Variants in GBX2 observed in about 807,000 individuals in gnomAD.
GBX2 encodes gastrulation brain homeobox 2.
Under a neutral mutation model 22.4 loss-of-function variants are expected in GBX2, and 5 were observed. The ratio of observed to expected loss-of-function variants is 0.22; its 90% confidence interval spans 0.12 to 0.47. The LOEUF is 0.47. Ranked by LOEUF, GBX2 falls within the 20% of genes least tolerant of loss-of-function variation. The pLI, the probability that GBX2 is intolerant of heterozygous loss-of-function variation, is 0.99. For synonymous variants in GBX2, 220 were observed against 230.5 expected (o/e 0.95, Z 0.41); for missense variants, 470 against 495.4 (o/e 0.95, Z 0.49).
In GBX2 at chr2:236,167,905, T is replaced by A. The variant is rs1376879250; in HGVS notation, c.67A>T (p.Ser23Cys). ...QRPLGSSTAFSIDSLIGSPPQ... is the reference protein window; with the variant it reads ...QRPLGSSTAFCIDSLIGSPPQ... ...GGGCTGCCGATCAGCGAGTCTATGCTGAAGGCGGTGCTACTCCCCAGCGGG... is the reference window on the plus strand; with the variant it reads ...GGGCTGCCGATCAGCGAGTCTATGCAGAAGGCGGTGCTACTCCCCAGCGGG... The change falls in exon 1 of 2, where the codon AGC (serine) becomes TGC (cysteine). Residue 23 changes from serine (S) to cysteine (C), a missense_variant. Ser to Cys is a moderately radical substitution (Grantham distance 112). This residue lies in a region of GBX2 where 377 missense variants were observed against 358.6 expected (regional missense o/e 1.05). Transcript: ENST00000306318. The A allele has an allele frequency of 6.4e-7, 1 of 1,562,072 alleles. No homozygotes were observed. The highest frequency in any genetic ancestry group is 8.6e-7 in the Non-Finnish European group (1 of 1,157,114).
rs2060251051 is a variant in GBX2, at chr2:236,167,801, C to A, written c.171G>T (p.Pro57=). The A allele has an allele frequency of 7.1e-7, 1 of 1,407,306 alleles. No individual in the cohort carries two copies. Among genetic ancestry groups the A allele is most frequent in the Non-Finnish European group, 9.3e-7 (1 of 1,078,240 alleles). The allele number at this position is 1,407,306 out of a possible 1,614,324, so 87.2% of individuals were successfully genotyped here. The change falls in exon 1 of 2, where the codon CCG becomes CCT. Residue 57 remains proline (P), a synonymous_variant. Coordinates refer to ENST00000306318, the MANE Select transcript of GBX2 (RefSeq NM_001485.4). ...GCAGCGCGGGCGGCGGCGGCGGCGG[C>A]GGCGGCAGCACTACCGGCCGGTAGG... ...FMPYRPVVLP[P]PPPPPPALPQ...
intron 1 of GBX2, 115 bp downstream of exon 1, chr2:236,167,334 C>G: frequency 7.2e-7 from 1 of 1,379,812 alleles, no homozygotes; most frequent in South Asian, 1.4e-5. Context: ...GCTCCTCCCG[C>G]GGGGGTCGAG....
downstream of GBX2, among the ~76,000 whole-genome samples, chr2:236,164,682 C>T (rs1319757266): frequency 1.3e-5 from 2 of 152,170 alleles, no homozygotes; most frequent in African/African-American, 4.8e-5. Flanking sequence ...GGGCCGGGGG[C>T]GCTCCAGCCA....
chr2:236,163,787 C>T, downstream of GBX2, among the ~76,000 whole-genome samples: 1 of 152,072 alleles, frequency 6.6e-6, no homozygotes, highest in Non-Finnish European at 1.5e-5. Flanking sequence ...GCAGCAGGCG[C>T]TCACCGGCAA....
rs928275495 is a variant in GBX2, at chr2:236,167,288, C to T, written c.523+161G>A. The T allele has an allele frequency of 5.0e-6, 7 of 1,404,576 alleles. No homozygotes were observed. In the Admixed American group the frequency reaches 9.9e-5, roughly 20 times the overall value. The allele number at this position is 1,404,576 out of a possible 1,614,324, so 87.0% of individuals were successfully genotyped here. A position where few individuals can be genotyped will look rare whatever the true frequency, so the allele number is the denominator to read the frequency against. ...TTGTTGGGTGGCTCTGAATGTCCCCCGGAGGCCCAGCGGCACAGCCGGGCC... is the reference window on the plus strand; with the variant it reads ...TTGTTGGGTGGCTCTGAATGTCCCCTGGAGGCCCAGCGGCACAGCCGGGCC... On this transcript the variant is annotated intron_variant, in intron 1 of 1. Transcript: ENST00000306318.
Position 236,167,678 on chromosome 2 carries a change from C to T in GBX2, c.294G>A (p.Met98Ile). 1 of 1,583,912 alleles carries T rather than the reference C, an allele frequency of 6.3e-7. No individual in the cohort carries two copies. The highest frequency in any genetic ancestry group is 8.5e-7 in the Non-Finnish European group (1 of 1,169,702). The change falls in exon 1 of 2, where the codon ATG (methionine) becomes ATA (isoleucine). Residue 98 changes from methionine (M) to isoleucine (I), a missense_variant. This residue lies in a region of GBX2 where 377 missense variants were observed against 358.6 expected (regional missense o/e 1.05). Transcript: ENST00000306318. ...TGFCSSLAQGMALTSTLMATL... is the reference protein window; with the variant it reads ...TGFCSSLAQGIALTSTLMATL... ...TGGCCATGAGCGTAGAGGTGAGCGC[C>T]ATGCCCTGCGCCAGGCTGGAGCAGA... is the stretch of plus-strand genomic sequence containing the variant.
chr2:236,164,281 C>T (rs952360918), downstream of GBX2, among the ~76,000 whole-genome samples: 2 of 152,214 alleles, frequency 1.3e-5, no homozygotes, highest in Non-Finnish European at 2.9e-5. Context: ...CCCCTCCTTC[C>T]CCCACTCGAA....
In GBX2 at chr2:236,167,464, C is replaced by G. The variant is rs1400140073; in HGVS notation, c.508G>C (p.Val170Leu). The change falls in exon 1 of 2, where the codon GTG (valine) becomes CTG (leucine). Residue 170 changes from valine to leucine, a missense_variant. Val to Leu is a conservative substitution (Grantham distance 32). This residue lies in a region of GBX2 where 377 missense variants were observed against 358.6 expected (regional missense o/e 1.05). Transcript: ENST00000306318. The part of the protein sequence containing the change: ...SLLAFSAAET[V>L]QASLVGAVRG... ...GCCGACTCACCGAGCGAAGCCTGCA[C>G]CGTCTCGGCCGCGGAGAAGGCGAGC... is the stretch of plus-strand genomic sequence containing the variant. 6.3e-7 allele frequency: 1 copy of G among 1,576,862 alleles called. No homozygotes were observed. Among genetic ancestry groups the G allele is most frequent in the Non-Finnish European group, 8.5e-7 (1 of 1,169,916 alleles).
At chr2:236,162,115 G>A (rs2060216081), downstream of GBX2, among the ~76,000 whole-genome samples, 1 of 152,232 alleles carries the variant, frequency 6.6e-6, no homozygotes, top group East Asian at 1.9e-4. Context: ...AGAAACAAGA[G>A]GGAGAGGGTG....
downstream of GBX2, among the ~76,000 whole-genome samples, chr2:236,163,367 G>A (rs1576380477): frequency 2.0e-5 from 3 of 152,288 alleles, no homozygotes; most frequent in Non-Finnish European, 4.4e-5. Context: ...CATAGGGCGA[G>A]GACCTCGAGG....
downstream of GBX2, among the ~76,000 whole-genome samples, chr2:236,162,902 C>G (rs1442552558): frequency 6.6e-6 from 1 of 152,222 alleles, no homozygotes; most frequent in Non-Finnish European, 1.5e-5. Flanking sequence ...TCAGGCCCCC[C>G]CATCAGAATT....
intron 1 of GBX2, 191 bp downstream of exon 1, chr2:236,167,258 C>G: frequency 6.9e-7 from 1 of 1,450,246 alleles, no homozygotes; most frequent in Admixed American, 2.0e-5. Flanking sequence ...CTCCCGAGAC[C>G]CCGCTTGTTG....
At chr2:236,164,765 A>T (rs1435644259), downstream of GBX2, among the ~76,000 whole-genome samples, 1 of 152,002 alleles carries the variant, frequency 6.6e-6, no homozygotes, top group East Asian at 1.9e-4. Flanking sequence ...TCGCCAGATA[A>T]CGCCCGGAGC....
downstream of GBX2, among the ~76,000 whole-genome samples, chr2:236,164,708 T>C (rs2060228369): frequency 6.6e-6 from 1 of 152,152 alleles, no homozygotes; most frequent in African/African-American, 2.4e-5. Flanking sequence ...CGCCTCCGAC[T>C]GAGGGCTGCC....
In GBX2 at chr2:236,168,022, C is replaced by G; in HGVS notation, c.-51G>C. 1 of 1,391,568 alleles carries G rather than the reference C, an allele frequency of 7.2e-7. No homozygotes were observed. Among genetic ancestry groups the G allele is most frequent in the Middle Eastern group, 2.5e-4 (1 of 4,060 alleles). 86.2% of individuals were successfully genotyped at this position (1,391,568 alleles called of 1,614,324 possible). ...GAGGCGAAAAGTCCCCGCGCCGCGC[C>G]GCCGCCGGGAAGCCCGCCGGACGCC... On this transcript the variant is annotated 5_prime_UTR_variant, in exon 1 of 2. Coordinates refer to ENST00000306318, the MANE Select transcript of GBX2 (RefSeq NM_001485.4).
downstream of GBX2, chr2:236,165,227 G>C (rs368056830): frequency 2.6e-5 from 4 of 152,060 alleles, no homozygotes; most frequent in East Asian, 5.8e-4. Flanking sequence ...CACTTATGAG[G>C]CCCAGGGATT....
chr2:236,167,549 C>A lies in GBX2; in HGVS notation c.423G>T (p.Ala141=). 6.3e-7 allele frequency: 1 copy of A among 1,598,986 alleles called. No individual in the cohort carries two copies. The highest frequency in any genetic ancestry group is 1.1e-5 in the South Asian group (1 of 89,668). ...PLPGGGNFDK[A]EALQADAEDG... ...CCTCCGCGTCAGCCTGCAGCGCCTC[C>A]GCCTTGTCGAAGTTACCGCCGCCGG... The change falls in exon 1 of 2, where the codon GCG becomes GCT. Residue 141 remains alanine, a synonymous_variant. Transcript: ENST00000306318.
rs372371196 is a variant in GBX2 at position 236,167,389 on chromosome 2, G to C, written c.523+60C>G. The C allele has an allele frequency of 8.5e-5, 120 of 1,413,508 alleles. No individual in the cohort carries two copies. The East Asian group carries it at 3.3e-3, about 38-fold the overall frequency. The allele number at this position is 1,413,508 out of a possible 1,614,324, so 87.6% of individuals were successfully genotyped here. On this transcript the variant is annotated intron_variant, in intron 1 of 1. Coordinates refer to ENST00000306318, the MANE Select transcript of GBX2 (RefSeq NM_001485.4). Reference sequence around the variant, plus strand: ...CCTTGGTCTCCCGCGGGAACCCGGCGCTGGCCCGCCCCCGCCTCCTCCCGC... The same window carrying C: ...CCTTGGTCTCCCGCGGGAACCCGGCCCTGGCCCGCCCCCGCCTCCTCCCGC...
chr2:236,161,890 C>G (rs921589373), downstream of GBX2, among the ~76,000 whole-genome samples: 1 of 152,168 alleles, frequency 6.6e-6, no homozygotes, highest in Non-Finnish European at 1.5e-5. Context: ...AGGAAGGCCC[C>G]GAGGTGAGAA....
Sources: gnomAD v4.1 joint callset for allele counts (sites outside exome capture counted in the v4.1 genomes callset) on GRCh38, gnomAD v4.1.1 for gene constraint, gnomAD v4.1.1 regional missense constraint, MANE v1.5 for transcripts, NCBI Gene and HGNC (gene_info 2026-07-23, HGNC 2026-07-21) for gene names.